SLIT3: variants seen among roughly 807,000 people sequenced by gnomAD.
SLIT3 encodes slit guidance ligand 3.
Under a neutral mutation model 184.0 loss-of-function variants are expected in SLIT3, and 68 were observed. That is an observed-to-expected ratio of 0.37 (90% confidence interval 0.30 to 0.45). SLIT3 has a LOEUF of 0.45. Among genes scored for constraint, SLIT3 ranks in the 20% least tolerant of loss-of-function variants. SLIT3 has a pLI of 1.00. For synonymous variants in SLIT3, 831 were observed against 828.6 expected, an observed-to-expected ratio of 1.00 and a Z score of -0.05; for missense variants, 1,707 against 2,026.0, an observed-to-expected ratio of 0.84 and a Z score of 3.02.
intron 4 of SLIT3, among the ~76,000 whole-genome samples, chr5:169,079,289 T>G (rs1207786272): frequency 6.6e-6 from 1 of 152,198 alleles, no homozygotes; most frequent in East Asian, 1.9e-4. Context: ...CACACCTGCC[T>G]GCTTTCAGCT....
chr5:168,978,143 G>A (rs529537657), intron 4 of SLIT3, among the ~76,000 whole-genome samples: 3 of 152,284 alleles, frequency 2.0e-5, no homozygotes, highest in Admixed American at 6.5e-5. Flanking sequence ...CAGGCATCCC[G>A]CCTATGAGCC....
At chr5:169,129,824 T>A (rs113978194) in intron 4 of SLIT3, among the ~76,000 whole-genome samples, 2,018 of 150,192 alleles carry the variant, frequency 0.013, 48 homozygotes, top group African/African-American at 0.048. Flanking sequence ...TTTGGTGGTT[T>A]TTTTTGTTTG....
chr5:168,844,527 A>C, intron 6 of SLIT3, 57 bp downstream of exon 6: 4 of 1,490,792 alleles, frequency 2.7e-6, no homozygotes, highest in Non-Finnish European at 3.7e-6. Context: ...ACACAGACAC[A>C]CACACATACA....
At position 168,696,539 on chromosome 5, in the gene SLIT3, C is replaced by T. The variant is rs576981974; in HGVS notation, c.2943-108G>A. 1.8e-5 allele frequency: 24 copies of T among 1,336,988 alleles called. No individual in the cohort carries two copies. In the South Asian group the frequency reaches 2.3e-4, roughly 13 times the overall value. 82.8% of individuals were successfully genotyped at this position (1,336,988 alleles called of 1,614,324 possible). Reference sequence around the variant, plus strand: ...GTGGGAAATACAATTAGTTTTTCCTCCAGATGGAGGTCTGAGAAAGCACTT... The same window carrying T: ...GTGGGAAATACAATTAGTTTTTCCTTCAGATGGAGGTCTGAGAAAGCACTT... On this transcript the variant is annotated intron_variant, in intron 27 of 35. Coordinates refer to ENST00000519560, the MANE Select transcript of SLIT3 (RefSeq NM_003062.4).
chr5:169,041,885 T>C (rs1474133795), intron 4 of SLIT3, among the ~76,000 whole-genome samples: 2 of 152,210 alleles, frequency 1.3e-5, no homozygotes, highest in African/African-American at 4.8e-5. Context: ...TAGTTCCTCT[T>C]AGGAACCCAA....
intron 4 of SLIT3, among the ~76,000 whole-genome samples, chr5:169,077,660 G>C (rs1056860568): frequency 6.6e-6 from 1 of 152,192 alleles, no homozygotes; most frequent in Admixed American, 6.5e-5. Context: ...AGTTTTCGGG[G>C]AGTCAAAAGT....
intron 16 of SLIT3, among the ~76,000 whole-genome samples, chr5:168,755,928 T>C (rs7718722): frequency 0.19 from 29,618 of 152,172 alleles, 4,415 homozygotes; most frequent in African/African-American, 0.42. Flanking sequence ...TCAAAATGCC[T>C]GGCCCTGGAA....
intron 6 of SLIT3, among the ~76,000 whole-genome samples, chr5:168,830,387 G>C (rs1757841237): frequency 6.6e-6 from 1 of 152,120 alleles, no homozygotes; most frequent in African/African-American, 2.4e-5. Flanking sequence ...GTGCCTGGGG[G>C]CTCTAGGAAG....
intron 1 of SLIT3, among the ~76,000 whole-genome samples, chr5:169,292,818 A>G (rs1176567917): frequency 1.3e-5 from 2 of 152,216 alleles, no homozygotes; most frequent in Non-Finnish European, 2.9e-5. Context: ...AGACTCCAAA[A>G]AGTCAACTGC....
chr5:168,792,750 T>C (rs1756420575), intron 10 of SLIT3, among the ~76,000 whole-genome samples: 1 of 152,170 alleles, frequency 6.6e-6, no homozygotes, highest in South Asian at 2.1e-4. Flanking sequence ...CGAGGGGCTG[T>C]CTCCAGTGCT....
At chr5:169,002,029 A>G (rs1367599166) in intron 4 of SLIT3, among the ~76,000 whole-genome samples, 1 of 152,016 alleles carries the variant, frequency 6.6e-6, no homozygotes, top group East Asian at 1.9e-4. Flanking sequence ...GGAAAAAGCA[A>G]TGTGGCTGGT....
At chr5:169,201,037 T>C (rs1265065669) in intron 3 of SLIT3, among the ~76,000 whole-genome samples, 3 of 152,174 alleles carry the variant, frequency 2.0e-5, no homozygotes, top group Non-Finnish European at 4.4e-5. Context: ...AGCAGCTTCA[T>C]TGAGATATAA....
Position 169,300,888 on chromosome 5 carries a change from G to A in SLIT3, c.-179C>T, listed in dbSNP as rs1935622351. On this transcript the variant is annotated 5_prime_UTR_variant, in exon 1 of 36. Coordinates refer to ENST00000519560, the MANE Select transcript of SLIT3 (RefSeq NM_003062.4). The surrounding 1 kb of genome is among the most constrained non-coding windows in gnomAD (Gnocchi z 4.1). ...CGGGCGGAGCGGGGCGCTCCGGGCG[G>A]CGGCGGCGGCAGCAACAGCAGCTCC... 2.6e-6 allele frequency: 1 copy of A among 381,586 alleles called. No homozygotes were observed. The highest frequency in any genetic ancestry group is 5.8e-5 in the East Asian group (1 of 17,106). The allele number at this position is 381,586 out of a possible 1,614,324, so 23.6% of individuals were successfully genotyped here. A position where few individuals can be genotyped will look rare whatever the true frequency, so the allele number is the denominator to read the frequency against.
chr5:169,011,561 G>A (rs574968560), intron 4 of SLIT3, among the ~76,000 whole-genome samples: 1 of 152,286 alleles, frequency 6.6e-6, no homozygotes, highest in South Asian at 2.1e-4. Context: ...GAGGTCCCTT[G>A]TAGACCCCCG....
intron 9 of SLIT3, among the ~76,000 whole-genome samples, chr5:168,805,655 G>A (rs1315692201): frequency 1.3e-5 from 2 of 152,148 alleles, no homozygotes. Flanking sequence ...TGGAATTTTT[G>A]ACATTCATGT....
chr5:168,906,766 T>C (rs892812086), intron 4 of SLIT3, among the ~76,000 whole-genome samples: 12 of 152,206 alleles, frequency 7.9e-5, no homozygotes, highest in Non-Finnish European at 1.8e-4. Flanking sequence ...GTTGTGTGTG[T>C]TTGAAAGTTG....
intron 4 of SLIT3, among the ~76,000 whole-genome samples, chr5:169,061,999 A>G (rs1357065831): frequency 1.3e-5 from 2 of 152,096 alleles, no homozygotes; most frequent in Non-Finnish European, 2.9e-5. Flanking sequence ...CCTGGCTAAC[A>G]TGGTGAAACC....
chr5:168,914,883 G>C (rs969464718), intron 4 of SLIT3, among the ~76,000 whole-genome samples: 2 of 152,028 alleles, frequency 1.3e-5, no homozygotes, highest in African/African-American at 2.4e-5. Context: ...GAGGACATTG[G>C]GGGGTAAAAA....
intron 4 of SLIT3, among the ~76,000 whole-genome samples, chr5:168,923,743 C>A (rs1446680573): frequency 6.6e-6 from 1 of 152,158 alleles, no homozygotes; most frequent in Non-Finnish European, 1.5e-5. Flanking sequence ...GTCTTGAACT[C>A]CTGACCTCGT....
Sources: allele counts gnomAD v4.1 joint callset (sites outside exome capture counted in the v4.1 genomes callset), GRCh38; gene constraint gnomAD v4.1.1; non-coding constraint Gnocchi (gnomAD v3.1); transcripts MANE v1.5; gene names NCBI Gene and HGNC (gene_info 2026-07-23, HGNC 2026-07-21).